The following ATRNL1 variants were observed in gnomAD, a reference collection of about 807,000 sequenced individuals.
The protein encoded by ATRNL1 is attractin like 1, also known as attractin-like protein 1.
Under a neutral mutation model 182.7 loss-of-function variants are expected in ATRNL1, and 95 were observed. The ratio of observed to expected loss-of-function variants is 0.52; its 90% CI spans 0.44 to 0.62. The LOEUF (loss-of-function observed/expected upper bound fraction) is 0.62, where lower values mean the gene tolerates loss of function less well. ATRNL1 is among the 20% of genes least tolerant of loss of function. The pLI is 0.00. For synonymous variants in ATRNL1, 576 were observed against 568.3 expected, an observed-to-expected ratio of 1.01 and a Z score of -0.19; for missense variants, 1,471 against 1,679.5, an observed-to-expected ratio of 0.88 and a Z score of 2.17.
rs140867376 is a variant in ATRNL1, at chr10:115,225,475, TTAATA to T, written c.1532+9622_1532+9626del. 1.0e-3 allele frequency among the ~76,000 whole-genome samples: 147 copies of T among 143,430 alleles called. 1 individual carries two copies. In the East Asian group the frequency reaches 0.011, roughly 10 times the overall value. The allele number at this position is 143,430 out of a possible 152,430, so 94.1% of individuals were successfully genotyped here. A position where few individuals can be genotyped will look rare whatever the true frequency, so the allele number is the denominator to read the frequency against. On this transcript the variant is annotated intron_variant, in intron 9 of 28. Coordinates refer to ENST00000355044, the MANE Select transcript of ATRNL1 (RefSeq NM_207303.4). ...TTTCCAGCCAGTGTAATAAGGCAGA[TTAATA>T]TAATATAATATAATATAATATAATA...
intron 27 of ATRNL1, among the ~76,000 whole-genome samples, chr10:115,812,740 G>T (rs993439592): frequency 5.3e-5 from 8 of 151,974 alleles, no homozygotes; most frequent in Non-Finnish European, 4.4e-5. Context: ...ACCTCCCAAA[G>T]TGCTGGGATT....
chr10:115,480,379 C>T (rs936877243), intron 24 of ATRNL1, among the ~76,000 whole-genome samples: 4 of 151,002 alleles, frequency 2.6e-5, no homozygotes, highest in African/African-American at 9.7e-5. Context: ...GAACACTTTT[C>T]GTTATTTGTG....
At chr10:115,475,045 G>A (rs1848472940) in intron 24 of ATRNL1, among the ~76,000 whole-genome samples, 1 of 151,198 alleles carries the variant, frequency 6.6e-6, no homozygotes, top group African/African-American at 2.4e-5. Context: ...CCTTAATTTG[G>A]GAATTGTCTA....
intron 19 of ATRNL1, among the ~76,000 whole-genome samples, chr10:115,348,498 C>T (rs1856081084): frequency 6.6e-6 from 1 of 152,004 alleles, no homozygotes; most frequent in South Asian, 2.1e-4. Context: ...ACTTTTATGG[C>T]AGTATTATTT....
chr10:115,302,570 A>T (rs1592409334), intron 17 of ATRNL1, among the ~76,000 whole-genome samples: 2 of 152,210 alleles, frequency 1.3e-5, no homozygotes, highest in Admixed American at 6.5e-5. Context: ...TAGAATGCAC[A>T]GTCTTGAAAT....
chr10:115,848,009 C>A lies in ATRNL1; in HGVS notation c.4018+18C>A. Reference sequence around the variant, plus strand: ...GCAGTCAGGTATGATAAATGAGGAGCCTTCAGCAGTTAAGCAAAACTTGTA... The same window carrying A: ...GCAGTCAGGTATGATAAATGAGGAGACTTCAGCAGTTAAGCAAAACTTGTA... On this transcript the variant is annotated intron_variant, in intron 28 of 28. Transcript: ENST00000355044. The A allele has an allele frequency of 2.1e-6, 3 of 1,426,760 alleles. No individual in the cohort carries two copies. Among genetic ancestry groups the A allele is most frequent in the South Asian group, 1.2e-5 (1 of 86,944 alleles). The allele number at this position is 1,426,760 out of a possible 1,614,324, so 88.4% of individuals were successfully genotyped here.
intron 21 of ATRNL1, 124 bp from the exon 22 acceptor site, chr10:115,461,817 A>G (rs1847810461): frequency 2.2e-6 from 1 of 454,468 alleles, no homozygotes; most frequent in Admixed American, 4.2e-5. Context: ...ATACTTAAAT[A>G]TACCACTAGT....
chr10:115,252,468 C>G (rs79914336), intron 10 of ATRNL1, among the ~76,000 whole-genome samples: 1,787 of 152,316 alleles, frequency 0.012, 34 homozygotes, highest in African/African-American at 0.04. Context: ...TTCTGCCCTG[C>G]GCCACAGGTC....
intron 13 of ATRNL1, among the ~76,000 whole-genome samples, chr10:115,271,378 C>T (rs1469954225): frequency 1.3e-5 from 2 of 152,044 alleles, no homozygotes; most frequent in Admixed American, 6.6e-5. Flanking sequence ...TGGTGTGCTG[C>T]ACTCATTAAT....
intron 27 of ATRNL1, among the ~76,000 whole-genome samples, chr10:115,771,300 G>A (rs1296691156): frequency 6.7e-6 from 1 of 149,758 alleles, no homozygotes; most frequent in South Asian, 2.1e-4. Context: ...GCACTATCTC[G>A]GCTCACTGCA....
chr10:115,606,847 G>C (rs1306991734), intron 26 of ATRNL1, among the ~76,000 whole-genome samples: 1 of 151,934 alleles, frequency 6.6e-6, no homozygotes, highest in Non-Finnish European at 1.5e-5. Flanking sequence ...AGCCATGCCT[G>C]TTCTAGTAAA....
At chr10:115,844,083 G>A (rs1950873566) in intron 27 of ATRNL1, among the ~76,000 whole-genome samples, 1 of 152,074 alleles carries the variant, frequency 6.6e-6, no homozygotes, top group Admixed American at 6.6e-5. Flanking sequence ...TTACCCACCT[G>A]TGCCTTGAAG....
intron 26 of ATRNL1, among the ~76,000 whole-genome samples, chr10:115,669,033 T>G (rs1945608405): frequency 6.6e-6 from 1 of 152,142 alleles, no homozygotes; most frequent in Admixed American, 6.6e-5. Flanking sequence ...TTTCCATCTT[T>G]AATTTACCTA....
intron 26 of ATRNL1, among the ~76,000 whole-genome samples, chr10:115,564,224 A>G (rs1197615571): frequency 1.3e-5 from 2 of 152,040 alleles, no homozygotes; most frequent in Admixed American, 6.6e-5. Flanking sequence ...TATTAGATTC[A>G]TGCATGAATG....
At chr10:115,611,577 A>G (rs1555019005) in intron 26 of ATRNL1, among the ~76,000 whole-genome samples, 2 of 152,134 alleles carry the variant, frequency 1.3e-5, no homozygotes, top group Non-Finnish European at 2.9e-5. Flanking sequence ...TGTAGTGAGG[A>G]AATAAATATT....
intron 1 of ATRNL1, among the ~76,000 whole-genome samples, chr10:115,115,974 T>C (rs976049183): frequency 7.2e-5 from 11 of 152,190 alleles, no homozygotes; most frequent in African/African-American, 2.2e-4. Context: ...TACTTTCAGC[T>C]AGAATGAGAT....
chr10:115,310,453 C>G (rs1225539431), intron 17 of ATRNL1, among the ~76,000 whole-genome samples: 1 of 151,948 alleles, frequency 6.6e-6, no homozygotes, highest in African/African-American at 2.4e-5. Flanking sequence ...GGCTGTGAAT[C>G]CCCTGGCCCT....
chr10:115,255,526 G>A (rs983822605), intron 10 of ATRNL1, among the ~76,000 whole-genome samples: 7 of 152,298 alleles, frequency 4.6e-5, no homozygotes, highest in Non-Finnish European at 8.8e-5. Context: ...ATCAGCTTAA[G>A]GAGATTTTGG....
intron 18 of ATRNL1, among the ~76,000 whole-genome samples, chr10:115,319,672 G>C (rs112588893): frequency 1.3e-5 from 2 of 148,148 alleles, no homozygotes; most frequent in East Asian, 3.9e-4. Flanking sequence ...ATCTTTGTTG[G>C]TTTAAAGTCT....
Sources: allele counts gnomAD v4.1 joint callset (sites outside exome capture counted in the v4.1 genomes callset), GRCh38; gene constraint gnomAD v4.1.1; transcripts MANE v1.5; gene names NCBI Gene and HGNC (gene_info 2026-07-23, HGNC 2026-07-21).